The following TNFAIP8 variants were observed in gnomAD, a reference collection of about 807,000 sequenced individuals.
The protein encoded by TNFAIP8 is TNF alpha induced protein 8.
Under a neutral mutation model 13.3 loss-of-function variants are expected in TNFAIP8, and 7 were observed. The ratio of observed to expected loss-of-function variants is 0.52; its 90% CI spans 0.30 to 0.99. TNFAIP8 has a LOEUF of 0.99. Ranked by LOEUF, TNFAIP8 falls within the 50% of genes least tolerant of loss-of-function variation. The pLI is 0.07. For synonymous variants in TNFAIP8, 94 were observed against 87.6 expected (o/e 1.07, Z -0.41); for missense variants, 258 against 236.9 (o/e 1.09, Z -0.58).
At chr5:119,293,746 G>A (rs1749069482) in intron 1 of TNFAIP8, among the ~76,000 whole-genome samples, 1 of 152,140 alleles carries the variant, frequency 6.6e-6, no homozygotes, top group African/African-American at 2.4e-5. Context: ...GGGGTAGAGA[G>A]GTACAAATGA....
At chr5:119,387,612 C>G (rs1331578103) in intron 1 of TNFAIP8, among the ~76,000 whole-genome samples, 2 of 151,898 alleles carry the variant, frequency 1.3e-5, no homozygotes, top group Non-Finnish European at 2.9e-5. Flanking sequence ...TAACAAAGGA[C>G]TTTTTTTTCC....
chr5:119,284,698 C>T (rs1172369585), intron 1 of TNFAIP8, among the ~76,000 whole-genome samples: 3 of 151,444 alleles, frequency 2.0e-5, no homozygotes, highest in Non-Finnish European at 4.4e-5. Context: ...AAAAAAAATT[C>T]TGTAGCATAA....
intron 1 of TNFAIP8, among the ~76,000 whole-genome samples, chr5:119,376,285 T>G (rs1223303331): frequency 6.6e-6 from 1 of 152,090 alleles, no homozygotes; most frequent in Non-Finnish European, 1.5e-5. Flanking sequence ...TGGCTAATTT[T>G]TGTATTTTTA....
At chr5:119,304,801 A>G (rs141241123) in intron 1 of TNFAIP8, among the ~76,000 whole-genome samples, 91 of 152,364 alleles carry the variant, frequency 6.0e-4, no homozygotes, top group African/African-American at 2.1e-3. Context: ...TGGATGCATC[A>G]GGAAGCAAAT....
At chr5:119,292,683 TATACACACACAC>T (rs61593926) in intron 1 of TNFAIP8, among the ~76,000 whole-genome samples, 938 of 36,574 alleles carry the variant, frequency 0.026, 112 homozygotes, top group Middle Eastern at 0.075. Flanking sequence ...TATATATATA[TATACACACACAC>T]ACAATGAAAT....
intron 1 of TNFAIP8, among the ~76,000 whole-genome samples, chr5:119,312,595 A>G (rs933984579): frequency 2.0e-5 from 3 of 151,840 alleles, no homozygotes; most frequent in African/African-American, 7.3e-5. Flanking sequence ...GTGAACTTGT[A>G]AAGTTTAGGA....
intron 1 of TNFAIP8, among the ~76,000 whole-genome samples, chr5:119,341,420 CAAACAAAG>C (rs1322980984): frequency 2.8e-5 from 4 of 144,236 alleles, no homozygotes; most frequent in Admixed American, 6.7e-5. Flanking sequence ...AAACTTAAAA[CAAACAAAG>C]AAACAAAAAA....
upstream of TNFAIP8, chr5:119,355,962 A>T: frequency 6.8e-7 from 1 of 1,466,244 alleles, no homozygotes; most frequent in Non-Finnish European, 9.2e-7. Context: ...CGCCCCGGGG[A>T]GGTTTTGATT....
At chr5:119,373,958 A>T (rs773971954) in intron 1 of TNFAIP8, among the ~76,000 whole-genome samples, 1 of 152,116 alleles carries the variant, frequency 6.6e-6, no homozygotes, top group African/African-American at 2.4e-5. Context: ...AACTAATAGT[A>T]TTGGTGTTTT....
At chr5:119,270,130 AC>A (rs1432368701) in intron 1 of TNFAIP8, among the ~76,000 whole-genome samples, 1 of 152,260 alleles carries the variant, frequency 6.6e-6, no homozygotes, top group African/African-American at 2.4e-5. Context: ...AAAGGAAATA[AC>A]CAAAAAGGGT....
intron 1 of TNFAIP8, among the ~76,000 whole-genome samples, chr5:119,380,787 T>C (rs995543915): frequency 1.3e-5 from 2 of 152,242 alleles, no homozygotes; most frequent in African/African-American, 4.8e-5. Flanking sequence ...TACAGTATTA[T>C]CTAGAATGGG....
intron 1 of TNFAIP8, chr5:119,268,959 C>T: frequency 1.5e-6 from 1 of 676,588 alleles, no homozygotes; most frequent in South Asian, 1.5e-5. Flanking sequence ...CGCGCCTCTC[C>T]CGCCGCTGGG....
At chr5:119,279,287 A>G (rs903027015) in intron 1 of TNFAIP8, among the ~76,000 whole-genome samples, 5 of 152,226 alleles carry the variant, frequency 3.3e-5, no homozygotes, top group African/African-American at 4.8e-5. Context: ...TTACTCTTCA[A>G]TAATACTGCC....
chr5:119,315,003 T>C (rs1328430860), intron 1 of TNFAIP8, among the ~76,000 whole-genome samples: 1 of 152,226 alleles, frequency 6.6e-6, no homozygotes, highest in Non-Finnish European at 1.5e-5. Flanking sequence ...TGCTTCAGCC[T>C]CCCCAGTAGC....
At chr5:119,381,585 T>C (rs772485775) in intron 1 of TNFAIP8, among the ~76,000 whole-genome samples, 93 of 152,098 alleles carry the variant, frequency 6.1e-4, no homozygotes, top group Non-Finnish European at 1.1e-3. Context: ...AGAGACTATA[T>C]ACCACAGTAT....
At chr5:119,275,919 A>G (rs993757790) in intron 1 of TNFAIP8, among the ~76,000 whole-genome samples, 5 of 152,008 alleles carry the variant, frequency 3.3e-5, no homozygotes, top group African/African-American at 1.2e-4. Flanking sequence ...GTAGTCAGCC[A>G]TCCCCCAGGT....
chr5:119,305,049 A>T lies in TNFAIP8; in HGVS notation c.1+36142A>T, dbSNP rs567186666. Among the ~76,000 whole-genome samples the T allele has an allele frequency of 2.6e-5, 4 of 152,218 alleles. No individual in the cohort carries two copies. In the South Asian group the frequency reaches 8.3e-4, roughly 32 times the overall value. ...GAGGGAGGTGAACGTCAATCTGTAA[A>T]CTCCAAGCTGGAATAACAGAGGAAG... is the stretch of plus-strand genomic sequence containing the variant. On this transcript the variant is annotated intron_variant, in intron 1 of 1. Transcript: ENST00000274456.
intron 1 of TNFAIP8, among the ~76,000 whole-genome samples, chr5:119,379,590 A>C (rs1434630853): frequency 1.3e-5 from 2 of 151,790 alleles, no homozygotes; most frequent in Admixed American, 6.6e-5. Flanking sequence ...GATTTGTTTT[A>C]TTTTTATTTG....
At chr5:119,343,352 C>T (rs1023571085) in intron 1 of TNFAIP8, among the ~76,000 whole-genome samples, 1 of 152,138 alleles carries the variant, frequency 6.6e-6, no homozygotes, top group Non-Finnish European at 1.5e-5. Context: ...TCTGACAGAA[C>T]TTTTGTAAAC....
Sources: gnomAD v4.1 joint callset for allele counts (sites outside exome capture counted in the v4.1 genomes callset) on GRCh38, gnomAD v4.1.1 for gene constraint, MANE v1.5 for transcripts, NCBI Gene and HGNC (gene_info 2026-07-23, HGNC 2026-07-21) for gene names.